Variants in GALNT7 observed in about 807,000 individuals in gnomAD.
The protein encoded by GALNT7 is N-acetylgalactosaminyltransferase 7.
Under a neutral mutation model 82.1 loss-of-function variants are expected in GALNT7, and 60 were observed. That is an observed-to-expected ratio of 0.73 (90% CI 0.59 to 0.91). The LOEUF is 0.91. Ranked by LOEUF, GALNT7 falls within the 40% of genes least tolerant of loss-of-function variation. The pLI is 0.00. For synonymous variants in GALNT7, 243 were observed against 275.1 expected, an observed-to-expected ratio of 0.88 and a Z score of 1.15; for missense variants, 660 against 804.2, an observed-to-expected ratio of 0.82 and a Z score of 2.17.
At chr4:173,297,658 A>G (rs780158811) in intron 5 of GALNT7, 19 of 445,586 alleles carry the variant, frequency 4.3e-5, no homozygotes, top group Non-Finnish European at 7.4e-5. Context: ...TGGGACATTC[A>G]TTTACTCTAT....
At chr4:173,234,742 C>T (rs1390845441) in intron 1 of GALNT7, among the ~76,000 whole-genome samples, 1 of 152,148 alleles carries the variant, frequency 6.6e-6, no homozygotes, top group Non-Finnish European at 1.5e-5. Context: ...TGTTTCAGTG[C>T]CATCTTCACT....
chr4:173,306,381 T>C (rs1251590785), intron 8 of GALNT7, among the ~76,000 whole-genome samples: 1 of 152,254 alleles, frequency 6.6e-6, no homozygotes, highest in Non-Finnish European at 1.5e-5. Flanking sequence ...CTAGTTGCTC[T>C]GGCTAAAACT....
At chr4:173,261,966 TTACA>T (rs1211112033) in intron 2 of GALNT7, among the ~76,000 whole-genome samples, 5 of 152,168 alleles carry the variant, frequency 3.3e-5, no homozygotes, top group Non-Finnish European at 7.3e-5. Flanking sequence ...TCATTACATA[TTACA>T]TATTTTATGA....
chr4:173,317,597 T>C (rs1737649821), intron 9 of GALNT7, 37 bp from the exon 10 acceptor site: 1 of 1,251,510 alleles, frequency 8.0e-7, no homozygotes, highest in African/African-American at 1.5e-5. Context: ...AAAACTAAAC[T>C]GTTGCCTGCT....
At chr4:173,194,082 A>G (rs540876273) in intron 1 of GALNT7, among the ~76,000 whole-genome samples, 5 of 152,308 alleles carry the variant, frequency 3.3e-5, no homozygotes, top group South Asian at 4.1e-4. Flanking sequence ...CTAGGAACCA[A>G]TTAAATATTT....
rs548470692 is a variant in GALNT7, at chr4:173,312,993, A to T, written c.1390-965A>T. The stretch of plus-strand genomic sequence containing the variant: ...AGAATCGCTTGAACCTGGGAGGCAG[A>T]GGTTGCAGTGAGCCGAGATTGCGTC... On this transcript the variant is annotated intron_variant, in intron 8 of 11. Transcript: ENST00000265000. 5.4e-4 allele frequency among the ~76,000 whole-genome samples: 82 copies of T among 152,108 alleles called. 1 individual carries two copies. Among genetic ancestry groups the T allele is most frequent in the Non-Finnish European group, 9.7e-4 (66 of 68,018 alleles).
intron 2 of GALNT7, among the ~76,000 whole-genome samples, chr4:173,288,127 C>T (rs1346592896): frequency 6.6e-6 from 1 of 150,662 alleles, no homozygotes; most frequent in Non-Finnish European, 1.5e-5. Flanking sequence ...ACTAAAAATA[C>T]AAAAAATTAG....
intron 1 of GALNT7, among the ~76,000 whole-genome samples, chr4:173,174,915 C>T (rs751673565): frequency 2.6e-5 from 4 of 152,066 alleles, no homozygotes; most frequent in Non-Finnish European, 4.4e-5. Context: ...TGGGAGATAA[C>T]GTGTGAGATA....
chr4:173,318,359 T>A, intron 10 of GALNT7, 72 bp from the exon 11 acceptor site: 1 of 1,217,338 alleles, frequency 8.2e-7, no homozygotes, highest in Non-Finnish European at 1.2e-6. Context: ...AGGAGTTAAG[T>A]TTCTTTCTTT....
intron 1 of GALNT7, among the ~76,000 whole-genome samples, chr4:173,230,745 C>G (rs1415649463): frequency 6.6e-6 from 1 of 152,124 alleles, no homozygotes; most frequent in African/African-American, 2.4e-5. Context: ...CTCCCTTTCT[C>G]TCACTGATAC....
At chr4:173,240,462 G>A (rs1318981180) in intron 1 of GALNT7, among the ~76,000 whole-genome samples, 1 of 144,586 alleles carries the variant, frequency 6.9e-6, no homozygotes, top group Non-Finnish European at 1.5e-5. Context: ...TCTGCCTCCC[G>A]AGTTCAAGAG....
At chr4:173,214,569 A>G (rs999538044) in intron 1 of GALNT7, among the ~76,000 whole-genome samples, 20 of 152,190 alleles carry the variant, frequency 1.3e-4, no homozygotes, top group African/African-American at 4.8e-4. Flanking sequence ...ATCTTCAAAG[A>G]GAAAAGAGAC....
chr4:173,313,670 ATTC>A (rs1340880488), intron 8 of GALNT7, among the ~76,000 whole-genome samples: 1 of 151,846 alleles, frequency 6.6e-6, no homozygotes, highest in Non-Finnish European at 1.5e-5. Flanking sequence ...GATTCAATTT[ATTC>A]TTCTGTTAGC....
chr4:173,272,350 A>G (rs1735759058), intron 2 of GALNT7, among the ~76,000 whole-genome samples: 1 of 152,254 alleles, frequency 6.6e-6, no homozygotes, highest in African/African-American at 2.4e-5. Context: ...CATAGCTTAC[A>G]TGCAGTGTTC....
intron 1 of GALNT7, among the ~76,000 whole-genome samples, chr4:173,247,640 G>A (rs1021524071): frequency 1.3e-4 from 20 of 152,108 alleles, no homozygotes; most frequent in African/African-American, 4.8e-4. Flanking sequence ...TTAAGCATCT[G>A]TTTTAATCAA....
chr4:173,257,375 T>C (rs1472023997), intron 2 of GALNT7, among the ~76,000 whole-genome samples: 3 of 152,212 alleles, frequency 2.0e-5, no homozygotes, highest in African/African-American at 7.2e-5. Flanking sequence ...AATGCACTTA[T>C]AAATAAGTTA....
At chr4:173,227,433 G>A (rs774449778) in intron 1 of GALNT7, among the ~76,000 whole-genome samples, 3 of 152,150 alleles carry the variant, frequency 2.0e-5, no homozygotes, top group Non-Finnish European at 4.4e-5. Context: ...CCAGGTTCAC[G>A]CCATTCTCCT....
At chr4:173,252,100 A>G (rs544249452) in intron 2 of GALNT7, among the ~76,000 whole-genome samples, 106 of 152,356 alleles carry the variant, frequency 7.0e-4, no homozygotes, top group African/African-American at 1.7e-3. Context: ...TAAAATAATA[A>G]CCAACCATGA....
chr4:173,231,134 T>C (rs1734019340), intron 1 of GALNT7, among the ~76,000 whole-genome samples: 1 of 152,198 alleles, frequency 6.6e-6, no homozygotes, highest in African/African-American at 2.4e-5. Flanking sequence ...ATTCTTTGTA[T>C]CAAATTTTTA....
Sources: allele counts gnomAD v4.1 joint callset (sites outside exome capture counted in the v4.1 genomes callset), GRCh38; gene constraint gnomAD v4.1.1; transcripts MANE v1.5; gene names NCBI Gene and HGNC (gene_info 2026-07-23, HGNC 2026-07-21).